XIRP2: variants seen among roughly 807,000 people sequenced by gnomAD.
XIRP2 encodes the protein xin actin binding repeat containing 2, also known as xin actin-binding repeat-containing protein 2.
A neutral mutation model predicts 277.0 loss-of-function variants in XIRP2; 236 were observed. The ratio of observed to expected loss-of-function variants is 0.85; its 90% confidence interval spans 0.77 to 0.95. XIRP2 has a LOEUF of 0.95. Ranked by LOEUF, XIRP2 falls within the 40% of genes least tolerant of loss-of-function variation. The probability of loss-of-function intolerance (pLI) is 0.00; values close to 1 mark genes in which losing one functional copy is unlikely to be tolerated. For missense variants in XIRP2, 4,640 were observed against 4,157.5 expected (o/e 1.12, Z -3.19); for synonymous variants, 1,490 against 1,416.5 (o/e 1.05, Z -1.17).
At chr2:167,077,870 G>C (rs1399417642) in intron 2 of XIRP2, among the ~76,000 whole-genome samples, 2 of 152,202 alleles carry the variant, frequency 1.3e-5, no homozygotes, top group African/African-American at 4.8e-5. Flanking sequence ...GTTGAAAATA[G>C]ACTATTGGCG....
intron 2 of XIRP2, among the ~76,000 whole-genome samples, chr2:167,102,725 T>C (rs1041604398): frequency 2.0e-5 from 3 of 152,188 alleles, no homozygotes; most frequent in Non-Finnish European, 4.4e-5. Context: ...TCAATTTTCA[T>C]TGCACACATG....
rs1559024057 is a variant in XIRP2, at chr2:167,214,226, G to GGAAGGAAGGAAGGAAGGA, written c.723+3331_723+3332insGAAGGAAGGAAGGAAGGA. The stretch of plus-strand genomic sequence containing the variant: ...AAAGAGAGGGAGGGAGGGAGGGAGG[G>GGAAGGAAGGAAGGAAGGA]AGGAAGGAAGGAAGGAAGGAAGGAA... On this transcript the variant is annotated intron_variant, in intron 4 of 10. Coordinates refer to ENST00000409195, the MANE Select transcript of XIRP2 (RefSeq NM_152381.6). Among the ~76,000 whole-genome samples the GGAAGGAAGGAAGGAAGGA allele has an allele frequency of 7.8e-3, 524 of 67,318 alleles. 42 individuals are homozygous for GGAAGGAAGGAAGGAAGGA. Among genetic ancestry groups the GGAAGGAAGGAAGGAAGGA allele is most frequent in the African/African-American group, 0.027 (273 of 10,074 alleles). The allele number at this position is 67,318 out of a possible 152,430, so 44.2% of individuals were successfully genotyped here. A position where few individuals can be genotyped will look rare whatever the true frequency, so the allele number is the denominator to read the frequency against.
intron 5 of XIRP2, among the ~76,000 whole-genome samples, chr2:167,220,997 T>G (rs1694409093): frequency 6.6e-6 from 1 of 152,182 alleles, no homozygotes; most frequent in South Asian, 2.1e-4. Context: ...AAACTTCAGT[T>G]TCATTATCTA....
chr2:166,939,699 C>CAAAAAAAAAAAAAAAAAAAAAAAAAAA (rs796839379), intron 2 of XIRP2, among the ~76,000 whole-genome samples: 4 of 120,474 alleles, frequency 3.3e-5, no homozygotes, highest in Non-Finnish European at 5.2e-5. Context: ...AAAAAAAAAA[C>CAAAAAAAAAAAAAAAAAAAAAAAAAAA]AAAAAACAAA....
At chr2:167,038,908 T>C (rs1688584705) in intron 2 of XIRP2, among the ~76,000 whole-genome samples, 1 of 152,058 alleles carries the variant, frequency 6.6e-6, no homozygotes, top group Non-Finnish European at 1.5e-5. Context: ...AGTCAAATCA[T>C]TAAAAAACAA....
intron 2 of XIRP2, among the ~76,000 whole-genome samples, chr2:167,099,857 A>G (rs567291741): frequency 1.8e-4 from 28 of 152,222 alleles, no homozygotes; most frequent in South Asian, 1.2e-3. Flanking sequence ...ACCAGTCCCA[A>G]TGAAATGAAC....
At position 167,239,075 on chromosome 2, in the gene XIRP2, T is replaced by TATA. The variant is rs754254681; in HGVS notation, c.859-779_859-778insTAA. Reference sequence around the variant, plus strand: ...AACTAGCATAATAATTTATATTGGTTACATTTAATGGTTATATTCTTCAAC... The same window carrying TATA: ...AACTAGCATAATAATTTATATTGGTTATAACATTTAATGGTTATATTCTTCAAC... On this transcript the variant is annotated intron_variant, in intron 5 of 10. Coordinates refer to ENST00000409195, the MANE Select transcript of XIRP2 (RefSeq NM_152381.6). 6.8e-3 allele frequency among the ~76,000 whole-genome samples: 1,030 copies of TATA among 152,322 alleles called. 4 individuals are homozygous for TATA. The highest frequency in any genetic ancestry group is 0.017 in the Middle Eastern group (5 of 294).
At chr2:167,161,560 G>T (rs756773082) in intron 3 of XIRP2, among the ~76,000 whole-genome samples, 23 of 152,126 alleles carry the variant, frequency 1.5e-4, no homozygotes, top group Non-Finnish European at 3.2e-4. Flanking sequence ...GCTCTATGTT[G>T]GCCCCTTCCA....
intron 3 of XIRP2, among the ~76,000 whole-genome samples, chr2:167,185,678 G>A (rs908526870): frequency 6.6e-6 from 1 of 152,020 alleles, no homozygotes; most frequent in African/African-American, 2.4e-5. Context: ...TACATTGTAG[G>A]ATCTATCTCC....
chr2:167,225,850 T>C (rs988733637), intron 5 of XIRP2, among the ~76,000 whole-genome samples: 2 of 152,230 alleles, frequency 1.3e-5, no homozygotes, highest in Admixed American at 1.3e-4. Flanking sequence ...TCTACAGCTC[T>C]TTCTTGGTGC....
intron 2 of XIRP2, among the ~76,000 whole-genome samples, chr2:167,068,769 A>G (rs1237838157): frequency 1.3e-5 from 2 of 152,164 alleles, no homozygotes; most frequent in African/African-American, 4.8e-5. Flanking sequence ...GGTCGCATGC[A>G]GCCCAGGACA....
chr2:167,186,037 G>A (rs938241996), intron 3 of XIRP2, among the ~76,000 whole-genome samples: 2 of 152,144 alleles, frequency 1.3e-5, no homozygotes, highest in Non-Finnish European at 2.9e-5. Flanking sequence ...TTTTATATCT[G>A]CACTAATACA....
At chr2:167,160,601 G>A (rs544828950) in intron 3 of XIRP2, among the ~76,000 whole-genome samples, 39 of 152,188 alleles carry the variant, frequency 2.6e-4, no homozygotes, top group African/African-American at 4.8e-5. Context: ...ATCAGATCTC[G>A]TGAGACTTAT....
At chr2:167,122,341 A>T (rs1691079787) in intron 2 of XIRP2, among the ~76,000 whole-genome samples, 1 of 152,186 alleles carries the variant, frequency 6.6e-6, no homozygotes, top group Non-Finnish European at 1.5e-5. Context: ...GTAAAATGAG[A>T]GCACAGTACA....
chr2:167,104,106 GTTC>G lies in XIRP2; in HGVS notation c.409-31798_409-31796del, dbSNP rs558345660. 3.2e-3 allele frequency among the ~76,000 whole-genome samples: 481 copies of G among 152,122 alleles called. 2 individuals are homozygous for G. The highest frequency in any genetic ancestry group is 6.8e-3 in the Middle Eastern group (2 of 294). On this transcript the variant is annotated intron_variant, in intron 2 of 10. Coordinates refer to ENST00000409195, the MANE Select transcript of XIRP2 (RefSeq NM_152381.6). The stretch of plus-strand genomic sequence containing the variant: ...GCACACCAGTATGATATGAGGTAAT[GTTC>G]TTCTATGATTAATTCTCCTTAAGAA...
At chr2:167,047,413 C>G (rs1272475896) in intron 2 of XIRP2, among the ~76,000 whole-genome samples, 5 of 150,816 alleles carry the variant, frequency 3.3e-5, no homozygotes, top group African/African-American at 4.9e-5. Flanking sequence ...ACTTTAAAAT[C>G]CTAATAAAGG....
intron 2 of XIRP2, among the ~76,000 whole-genome samples, chr2:167,085,669 G>T (rs940630946): frequency 6.6e-6 from 1 of 151,982 alleles, no homozygotes; most frequent in African/African-American, 2.4e-5. Context: ...AGCTCTTGTT[G>T]TTGAATTGAT....
At chr2:167,062,678 G>A (rs1689201995) in intron 2 of XIRP2, among the ~76,000 whole-genome samples, 1 of 152,056 alleles carries the variant, frequency 6.6e-6, no homozygotes, top group South Asian at 2.1e-4. Context: ...TTACTACGAT[G>A]TCTATACCTT....
rs1360076689 is a variant in XIRP2, at chr2:167,250,392, C to T, written c.9000C>T (p.Ala3000=). The T allele has an allele frequency of 6.2e-7, 1 of 1,613,208 alleles. No homozygotes were observed. Among genetic ancestry groups the T allele is most frequent in the African/African-American group, 1.3e-5 (1 of 74,764 alleles). ...EDKREYAVHI[A]MENNLEKVKE... ...AGAGAGAATATGCAGTTCACATTGC[C>T]ATGGAGAATAATTTAGAAAAAGTAA... The change falls in exon 9 of 11, where the codon GCC becomes GCT. Residue 3000 remains alanine (A), a synonymous_variant. Transcript: ENST00000409195.
Sources: gnomAD v4.1 joint callset for allele counts (sites outside exome capture counted in the v4.1 genomes callset) on GRCh38, gnomAD v4.1.1 for gene constraint, MANE v1.5 for transcripts, NCBI Gene and HGNC (gene_info 2026-07-23, HGNC 2026-07-21) for gene names.